Variants in LBHD1 observed in about 807,000 individuals in gnomAD.
LBHD1 encodes the protein LBH domain-containing protein 1.
A neutral mutation model predicts 31.1 loss-of-function variants in LBHD1; 28 were observed. The ratio of observed to expected loss-of-function variants is 0.90; its 90% CI spans 0.67 to 1.24. The LOEUF is 1.24. Among genes scored for constraint, LBHD1 ranks in the 50% most tolerant of loss-of-function variants. The pLI is 0.00. For missense variants in LBHD1, 350 were observed against 323.0 expected (o/e 1.08, Z -0.64); for synonymous variants, 105 against 116.5 (o/e 0.90, Z 0.63).
intron 4 of LBHD1, chr11:62,666,199 G>A (rs779451309): frequency 1.4e-6 from 1 of 716,182 alleles, no homozygotes; most frequent in South Asian, 1.8e-5. Context: ...AATTAACCGG[G>A]CACGATGGCG....
chr11:62,670,098 C>A, intron 1 of LBHD1, 57 bp from the exon 2 acceptor site: 1 of 1,505,280 alleles, frequency 6.6e-7, no homozygotes, highest in East Asian at 2.3e-5. Flanking sequence ...GTGCACCCCA[C>A]AAACTGTTCC....
chr11:62,671,277 G>T, intron 1 of LBHD1: 1 of 546,686 alleles, frequency 1.8e-6, no homozygotes, highest in Non-Finnish European at 3.2e-6. Context: ...TTGAGTGTTT[G>T]TTCCAGAGTT....
chr11:62,665,538 C>G, intron 4 of LBHD1: 1 of 1,569,972 alleles, frequency 6.4e-7, no homozygotes, highest in Middle Eastern at 1.7e-4. Context: ...GGCTTCCCAT[C>G]CGCTGGTTCT....
At position 62,665,970 on chromosome 11, in the gene LBHD1, AGAGGGCAAGGTGGGGGCAGAGTGGG is replaced by A. The variant is rs777976706; in HGVS notation, c.539-1022_539-998del. The stretch of plus-strand genomic sequence containing the variant: ...GGGTAGGGAGGTGGGGGCAGAGTGG[AGAGGGCAAGGTGGGGGCAGAGTGGG>A]GAGGGTAAGGTGGGTTCCTCGTGAG... On this transcript the variant is annotated intron_variant, in intron 4 of 6. Coordinates refer to ENST00000354588, the MANE Select transcript of LBHD1 (RefSeq NM_024099.5). The A allele has an allele frequency of 4.6e-5, 74 of 1,596,398 alleles. No individual in the cohort carries two copies. In the Middle Eastern group the frequency reaches 5.0e-4, roughly 11 times the overall value.
chr11:62,669,667 A>G lies in LBHD1; in HGVS notation c.287T>C (p.Phe96Ser). The G allele has an allele frequency of 6.2e-7, 1 of 1,614,046 alleles. No individual in the cohort carries two copies. Among genetic ancestry groups the G allele is most frequent in the African/African-American group, 1.3e-5 (1 of 75,056 alleles). ...TGGCTCTTCACTTTGGTCTTGGAAG[A>G]AGGCCTCAGCATCCTCTTCCTCACC... The part of the protein sequence containing the change: ...TDGEEEDAEA[F>S]FQDQSEEPGW... Residue 96 changes from phenylalanine to serine, a missense_variant, in exon 3 of 7, where the codon TTC becomes TCC. Coordinates refer to ENST00000354588, the MANE Select transcript of LBHD1 (RefSeq NM_024099.5).
At position 62,669,913 on chromosome 11, in the gene LBHD1, A is replaced by T; in HGVS notation, c.119T>A (p.Ile40Asn). The change falls in exon 2 of 7, where the codon ATT (isoleucine) becomes AAT (asparagine). Residue 40 changes from isoleucine to asparagine, a missense_variant. Transcript: ENST00000354588. Reference sequence around the variant, plus strand: ...GTGCTGGTGACCTTCAACCTTGCCAATTTTTCCTCTGTCCCAGAGAGGGTT... The same window carrying T: ...GTGCTGGTGACCTTCAACCTTGCCATTTTTTCCTCTGTCCCAGAGAGGGTT... ...LPNPLWDRGK[I>N]GKVEGHQHIQ... The T allele has an allele frequency of 2.5e-6, 4 of 1,614,080 alleles. No individual in the cohort carries two copies. Among genetic ancestry groups the T allele is most frequent in the Non-Finnish European group, 3.4e-6 (4 of 1,180,004 alleles).
chr11:62,665,902 T>A, intron 4 of LBHD1: 1 of 1,613,402 alleles, frequency 6.2e-7, no homozygotes, highest in East Asian at 2.2e-5. Flanking sequence ...CGTCGAATGC[T>A]CCACTTGCCG....
Position 62,667,753 on chromosome 11 carries a change from A to C in LBHD1, c.314-6T>G. ...CTGTGGGCTCCAAGCCCAGCCTGGG[A>C]TGGAGGAAGAGAGGGGACAAAAATA... is the stretch of plus-strand genomic sequence containing the variant. On this transcript the variant is annotated splice_region_variant and splice_polypyrimidine_tract_variant and intron_variant, in intron 3 of 6. Transcript: ENST00000354588. 1 of 1,586,744 alleles carries C rather than the reference A, an allele frequency of 6.3e-7. No individual in the cohort carries two copies. The highest frequency in any genetic ancestry group is 8.6e-7 in the Non-Finnish European group (1 of 1,158,342).
At chr11:62,664,828 G>C in intron 5 of LBHD1, 21 bp downstream of exon 5, 1 of 1,556,388 alleles carries the variant, frequency 6.4e-7, no homozygotes, top group Non-Finnish European at 8.7e-7. Context: ...ACGACCAACA[G>C]GAAGAGGGTC....
chr11:62,666,260 T>C, intron 4 of LBHD1: 2 of 897,286 alleles, frequency 2.2e-6, no homozygotes, highest in Middle Eastern at 2.2e-4. Context: ...CAGTGAGCCA[T>C]CATTGTGCTA....
chr11:62,663,393 A>G, intron 5 of LBHD1, 60 bp from the exon 6 acceptor site: 1 of 1,535,794 alleles, frequency 6.5e-7, no homozygotes, highest in Non-Finnish European at 8.9e-7. Context: ...AGGTCACACA[A>G]ATAGTTCTGG....
At position 62,669,640 on chromosome 11, in the gene LBHD1, C is replaced by G; in HGVS notation, c.313+1G>C. The G allele has an allele frequency of 6.2e-7, 1 of 1,611,596 alleles. No individual in the cohort carries two copies. The highest frequency in any genetic ancestry group is 8.5e-7 in the Non-Finnish European group (1 of 1,178,700). On this transcript the variant is annotated splice_donor_variant, in intron 3 of 6. Coordinates refer to ENST00000354588, the MANE Select transcript of LBHD1 (RefSeq NM_024099.5). LOFTEE classifies it high-confidence loss of function. Reference sequence around the variant, plus strand: ...CCCCCTGAATGAGCCACCTCCCTCACCTGGCTCTTCACTTTGGTCTTGGAA... The same window carrying G: ...CCCCCTGAATGAGCCACCTCCCTCAGCTGGCTCTTCACTTTGGTCTTGGAA...
chr11:62,663,101 C>T lies in LBHD1; in HGVS notation c.*28G>A. ...TTTCTACATCCTGGGGGGCTTTTGT[C>T]TTCTTTTGCCTTTTGAGCTGTGGTT... On this transcript the variant is annotated 3_prime_UTR_variant, in exon 7 of 7. Coordinates refer to ENST00000354588, the MANE Select transcript of LBHD1 (RefSeq NM_024099.5). The T allele has an allele frequency of 1.2e-6, 2 of 1,613,724 alleles. No individual in the cohort carries two copies. Among genetic ancestry groups the T allele is most frequent in the African/African-American group, 2.7e-5 (2 of 75,028 alleles).
At position 62,667,522 on chromosome 11, in the gene LBHD1, C is replaced by A; in HGVS notation, c.538+1G>T. 1.2e-6 allele frequency: 2 copies of A among 1,612,810 alleles called. No individual in the cohort carries two copies. Among genetic ancestry groups the A allele is most frequent in the Non-Finnish European group, 1.7e-6 (2 of 1,178,914 alleles). On this transcript the variant is annotated splice_donor_variant, in intron 4 of 6. Coordinates refer to ENST00000354588, the MANE Select transcript of LBHD1 (RefSeq NM_024099.5). LOFTEE classifies it high-confidence loss of function. ...TTTGAGGGGGAGGGAACAATACTTA[C>A]CCTCAAAGCTATTAGGAGGCAGGAG...
intron 1 of LBHD1, 182 bp downstream of exon 1, chr11:62,671,382 C>T: frequency 1.6e-6 from 2 of 1,266,572 alleles, no homozygotes; most frequent in South Asian, 2.6e-5. Flanking sequence ...GAGCACAGCT[C>T]GGGCCTCTAC....
chr11:62,664,185 G>A (rs2134603389), intron 5 of LBHD1, among the ~76,000 whole-genome samples: 1 of 151,510 alleles, frequency 6.6e-6, no homozygotes, highest in South Asian at 2.1e-4. Context: ...GAAATCCTAT[G>A]AGTGCCTTTG....
At position 62,663,308 on chromosome 11, in the gene LBHD1, G is replaced by C; in HGVS notation, c.689C>G (p.Thr230Ser). 1 of 1,614,138 alleles carries C rather than the reference G, an allele frequency of 6.2e-7. No individual in the cohort carries two copies. Among genetic ancestry groups the C allele is most frequent in the Non-Finnish European group, 8.5e-7 (1 of 1,180,010 alleles). ...AGVQCTCQHY[T>S]VREEAQKTPP... is the part of the protein sequence containing the mutation. ...AGTTTTCTGCGCTTCTTCCCTGACA[G>C]TGTAATGTTGGCACGTGCACTGGAC... Residue 230 changes from threonine (T) to serine (S), a missense_variant, in exon 6 of 7, where the codon ACT (threonine) becomes AGT (serine). Coordinates refer to ENST00000354588, the MANE Select transcript of LBHD1 (RefSeq NM_024099.5).
Position 62,666,745 on chromosome 11 carries a change from C to T in LBHD1, c.538+778G>A, listed in dbSNP as rs199842069. On this transcript the variant is annotated intron_variant, in intron 4 of 6. Transcript: ENST00000354588. ...CTGGACACCCTGCCTCAAGCCTCCA[C>T]TTCATGCACGCCGATGCTCAGAACC... 216 of 1,614,168 alleles carry T rather than the reference C, an allele frequency of 1.3e-4. No individual in the cohort carries two copies. The East Asian group carries it at 4.5e-3, about 33-fold the overall frequency.
At chr11:62,670,175 G>T (rs489778) in intron 1 of LBHD1, 134 bp from the exon 2 acceptor site, 1 of 905,888 alleles carries the variant, frequency 1.1e-6, no homozygotes, top group Non-Finnish European at 1.6e-6. Context: ...GCTTTCAGGG[G>T]AGGGGAAAAT....
Sources: allele counts gnomAD v4.1 joint callset (sites outside exome capture counted in the v4.1 genomes callset), GRCh38; gene constraint gnomAD v4.1.1; transcripts MANE v1.5; gene names NCBI Gene and HGNC (gene_info 2026-07-23, HGNC 2026-07-21).